SPMIP2: variants seen among roughly 807,000 people sequenced by gnomAD.
SPMIP2 encodes sperm microtubule inner protein 2.
the SPMIP2 span, among the ~76,000 whole-genome samples, chr4:158,911,051 T>G: frequency 7.3e-4 from 111 of 152,350 alleles, no homozygotes; most frequent in Non-Finnish European, 1.1e-3. Context: ...CAAATATCTT[T>G]AACATCATAA....
At chr4:158,919,113 G>A in the SPMIP2 span, among the ~76,000 whole-genome samples, 2 of 152,220 alleles carry the variant, frequency 1.3e-5, no homozygotes, top group African/African-American at 4.8e-5. Flanking sequence ...ATCCCCCCAA[G>A]TGGTTGACAG....
the SPMIP2 span, among the ~76,000 whole-genome samples, chr4:158,989,231 G>A: frequency 6.6e-6 from 1 of 152,102 alleles, no homozygotes; most frequent in Non-Finnish European, 1.5e-5. Context: ...AAGGAAATGC[G>A]AGAGGACACA....
At chr4:158,895,410 CAAG>C in the SPMIP2 span, among the ~76,000 whole-genome samples, 1 of 152,048 alleles carries the variant, frequency 6.6e-6, no homozygotes, top group Non-Finnish European at 1.5e-5. Context: ...AAAATTATAT[CAAG>C]AAGTTCTTAA....
At chr4:159,007,118 A>G in the SPMIP2 span, 13 of 627,570 alleles carry the variant, frequency 2.1e-5, no homozygotes, top group Non-Finnish European at 3.9e-5. Flanking sequence ...CTGAAGCAGC[A>G]TATGGCCAAG....
At chr4:159,076,401 T>C in the SPMIP2 span, among the ~76,000 whole-genome samples, 1 of 152,228 alleles carries the variant, frequency 6.6e-6, no homozygotes, top group Non-Finnish European at 1.5e-5. Context: ...TTTTGATTTC[T>C]ATTAGTTGAA....
At chr4:158,973,983 CAAAAAAAAAAA>C in the SPMIP2 span, among the ~76,000 whole-genome samples, 5 of 64,972 alleles carry the variant, frequency 7.7e-5, no homozygotes, top group Non-Finnish European at 1.3e-4. Flanking sequence ...AAGGCCACCT[CAAAAAAAAAAA>C]AAAAAAAAAA....
At chr4:158,923,810 C>A in the SPMIP2 span, among the ~76,000 whole-genome samples, 1 of 152,094 alleles carries the variant, frequency 6.6e-6, no homozygotes, top group Admixed American at 6.5e-5. Context: ...TAAACACATG[C>A]AGTTTTTTAC....
the SPMIP2 span, among the ~76,000 whole-genome samples, chr4:159,055,108 AT>A: frequency 6.6e-6 from 1 of 152,120 alleles, no homozygotes; most frequent in Non-Finnish European, 1.5e-5. Context: ...ATGCTTTTCT[AT>A]TTCTGGAGAG....
the SPMIP2 span, among the ~76,000 whole-genome samples, chr4:158,999,722 C>T: frequency 6.6e-6 from 1 of 152,186 alleles, no homozygotes. Flanking sequence ...AAATGGATTT[C>T]ACTATGCTGC....
At chr4:159,055,264 G>A in the SPMIP2 span, among the ~76,000 whole-genome samples, 2 of 152,304 alleles carry the variant, frequency 1.3e-5, no homozygotes, top group African/African-American at 4.8e-5. Flanking sequence ...TGCTCTATAA[G>A]TGTTTGAGGA....
chr4:158,996,041 G>A, the SPMIP2 span, among the ~76,000 whole-genome samples: 2 of 152,068 alleles, frequency 1.3e-5, no homozygotes, highest in Admixed American at 6.6e-5. Flanking sequence ...CCCTATTAGA[G>A]ACTCGCACGA....
the SPMIP2 span, among the ~76,000 whole-genome samples, chr4:159,082,431 T>G: frequency 6.8e-6 from 1 of 147,380 alleles, no homozygotes; most frequent in African/African-American, 2.6e-5. Flanking sequence ...AATCTAAATC[T>G]AACAATTCCA....
At chr4:158,928,464 G>A in the SPMIP2 span, among the ~76,000 whole-genome samples, 1 of 152,230 alleles carries the variant, frequency 6.6e-6, no homozygotes, top group Admixed American at 6.5e-5. Context: ...TGGGGCCTTG[G>A]AGAACCTTTG....
the SPMIP2 span, among the ~76,000 whole-genome samples, chr4:158,980,137 G>C: frequency 7.7e-4 from 118 of 152,274 alleles, no homozygotes; most frequent in African/African-American, 2.8e-3. Context: ...AGCCACTGTG[G>C]CCAGACTGCC....
At chr4:158,917,327 C>A in the SPMIP2 span, among the ~76,000 whole-genome samples, 4 of 152,032 alleles carry the variant, frequency 2.6e-5, no homozygotes, top group South Asian at 8.3e-4. Context: ...CTCGGGAGGC[C>A]AAGGCAGGAG....
chr4:159,022,510 T>C, the SPMIP2 span, among the ~76,000 whole-genome samples: 2 of 152,212 alleles, frequency 1.3e-5, no homozygotes, highest in East Asian at 3.8e-4. Flanking sequence ...GGGCCTACTG[T>C]GTCTCCCACA....
At chr4:159,003,908 C>A in the SPMIP2 span, among the ~76,000 whole-genome samples, 1 of 152,316 alleles carries the variant, frequency 6.6e-6, no homozygotes, top group South Asian at 2.1e-4. Context: ...CAAGAACATT[C>A]TAACCTCGAC....
the SPMIP2 span, among the ~76,000 whole-genome samples, chr4:158,899,597 G>A: frequency 6.6e-6 from 1 of 152,194 alleles, no homozygotes; most frequent in Non-Finnish European, 1.5e-5. Flanking sequence ...ATGTGCCCAG[G>A]AATTTATCCA....
the SPMIP2 span, among the ~76,000 whole-genome samples, chr4:158,922,110 A>T: frequency 6.6e-6 from 1 of 151,996 alleles, no homozygotes; most frequent in Non-Finnish European, 1.5e-5. Flanking sequence ...GGATGGTCTC[A>T]ATCTCCTGAC....
Sources: allele counts gnomAD v4.1 joint callset (sites outside exome capture counted in the v4.1 genomes callset), GRCh38; gene constraint gnomAD v4.1.1; transcripts MANE v1.5; gene names NCBI Gene and HGNC (gene_info 2026-07-23, HGNC 2026-07-21).